ST14: variants seen among roughly 807,000 people sequenced by gnomAD.
ST14 encodes suppressor of tumorigenicity 14 protein.
Under a neutral mutation model 96.5 loss-of-function variants are expected in ST14, and 40 were observed. That is an observed-to-expected ratio of 0.41 (90% confidence interval 0.32 to 0.54). The LOEUF (loss-of-function observed/expected upper bound fraction) is 0.54. ST14 is among the 20% of genes least tolerant of loss of function. The probability of loss-of-function intolerance (pLI) is 0.17; values close to 1 mark genes in which losing one functional copy is unlikely to be tolerated. For missense variants in ST14, 1,066 were observed against 1,188.9 expected, an observed-to-expected ratio of 0.90 and a Z score of 1.52; for synonymous variants, 506 against 492.1, an observed-to-expected ratio of 1.03 and a Z score of -0.37.
At chr11:130,189,004 A>T in intron 4 of ST14, 65 bp downstream of exon 4, 8 of 1,524,818 alleles carry the variant, frequency 5.2e-6, no homozygotes, top group Non-Finnish European at 7.2e-6. Flanking sequence ...ATCGGGGTAC[A>T]GTGTGTGGGG....
Position 130,200,147 on chromosome 11 carries a change from T to A in ST14, c.1994+10T>A, listed in dbSNP as rs572048817. 6.2e-7 allele frequency: 1 copy of A among 1,613,866 alleles called. No homozygotes were observed. The highest frequency in any genetic ancestry group is 1.7e-5 in the Admixed American group (1 of 59,966). On this transcript the variant is annotated intron_variant, in intron 16 of 18. Transcript: ENST00000278742. The stretch of plus-strand genomic sequence containing the variant: ...ATGACAGAGGATTCAGGTGGGTCTC[T>A]GGGTGGGCAGCAGGGAGCCTCCTTG...
chr11:130,175,235 G>A (rs142651001), intron 1 of ST14, among the ~76,000 whole-genome samples: 1 of 152,226 alleles, frequency 6.6e-6, no homozygotes, highest in Non-Finnish European at 1.5e-5. Context: ...CTGAATATGG[G>A]TGGACAGATC....
chr11:130,194,239 G>T lies in ST14; in HGVS notation c.966G>T (p.Arg322=). Residue 322 remains arginine (R), a synonymous_variant, in exon 8 of 19, where the codon CGG becomes CGT. Coordinates refer to ENST00000278742, the MANE Select transcript of ST14 (RefSeq NM_021978.4). ...TCACACTGATAACCAACACTGAGCG[G>T]CGGCATCCCGGCTTTGAGGCCACCT... The part of the protein sequence containing the change: ...LLITLITNTE[R]RHPGFEATFF... 6.2e-7 allele frequency: 1 copy of T among 1,614,242 alleles called. No individual in the cohort carries two copies. The highest frequency in any genetic ancestry group is 1.1e-5 in the South Asian group (1 of 91,088).
chr11:130,169,493 G>A (rs1351009569), intron 1 of ST14, among the ~76,000 whole-genome samples: 2 of 152,168 alleles, frequency 1.3e-5, no homozygotes, highest in African/African-American at 4.8e-5. Flanking sequence ...AGGTGGCTGT[G>A]GTTACAGAAG....
chr11:130,209,640 G>C, intron 18 of ST14, 22 bp from the exon 19 acceptor site: 1 of 1,589,184 alleles, frequency 6.3e-7, no homozygotes, highest in Non-Finnish European at 8.6e-7. Context: ...GGGGACTCAC[G>C]GCAGGGCTTG....
At position 130,194,648 on chromosome 11, in the gene ST14, G is replaced by T. The variant is rs554969342; in HGVS notation, c.1024G>T (p.Gly342Cys). The T allele has an allele frequency of 1.2e-6, 2 of 1,614,164 alleles. No homozygotes were observed. The highest frequency in any genetic ancestry group is 2.2e-5 in the South Asian group (2 of 91,080). The change falls in exon 9 of 19, where the codon GGC becomes TGC. Residue 342 changes from glycine to cysteine, a missense_variant. Transcript: ENST00000278742. ...CCCACCTTCCCTCTCAGGCTGTGGA[G>T]GCCGCTTACGTAAAGCCCAGGGGAC... Reference protein sequence around the residue: ...FQLPRMSSCGGRLRKAQGTFN... With the variant: ...FQLPRMSSCGCRLRKAQGTFN...
chr11:130,208,629 C>T lies in ST14; in HGVS notation c.2214C>T (p.Val738=), dbSNP rs764559528. ...TCTGCCTGCCGGACGCCTCCCATGT[C>T]TTCCCTGCCGGCAAGGCCATCTGGG... The part of the protein sequence containing the change: ...RPICLPDASH[V]FPAGKAIWVT... Residue 738 remains valine, a synonymous_variant, in exon 17 of 19, where the codon GTC becomes GTT. Transcript: ENST00000278742. 2 of 1,614,020 alleles carry T rather than the reference C, an allele frequency of 1.2e-6. No individual in the cohort carries two copies. The highest frequency in any genetic ancestry group is 2.2e-5 in the South Asian group (2 of 91,068).
chr11:130,166,946 C>G (rs1327367526), intron 1 of ST14, among the ~76,000 whole-genome samples: 1 of 152,214 alleles, frequency 6.6e-6, no homozygotes, highest in African/African-American at 2.4e-5. Context: ...TGCGGTGGTT[C>G]ATGCCTGTAA....
rs1387785896 is a variant in ST14, at chr11:130,196,421, A to G, written c.1196A>G (p.Lys399Arg). 1.9e-6 allele frequency: 3 copies of G among 1,610,538 alleles called. No individual in the cohort carries two copies. The highest frequency in any genetic ancestry group is 2.5e-6 in the Non-Finnish European group (3 of 1,178,644). The change falls in exon 10 of 19, where the codon AAG (lysine) becomes AGG (arginine). Residue 399 changes from lysine (K) to arginine (R), a missense_variant. Transcript: ENST00000278742. ...GGCGTGCCTGCGGGCACCTGCCCCA[A>G]GGACTACGTGGAGATCAACGGGGAG... ...EPGVPAGTCPKDYVEINGEKY... is the reference protein window; with the variant it reads ...EPGVPAGTCPRDYVEINGEKY...
At chr11:130,201,735 A>G (rs537024906) in intron 16 of ST14, among the ~76,000 whole-genome samples, 6 of 152,334 alleles carry the variant, frequency 3.9e-5, no homozygotes, top group Non-Finnish European at 7.4e-5. Flanking sequence ...ACATGCCACC[A>G]TGCCCAGCTA....
At chr11:130,196,043 C>G (rs1273418023) in intron 9 of ST14, among the ~76,000 whole-genome samples, 1 of 151,788 alleles carries the variant, frequency 6.6e-6, no homozygotes, top group Non-Finnish European at 1.5e-5. Flanking sequence ...GACTGTAATC[C>G]CAGCTGCTCA....
chr11:130,194,716 T>A lies in ST14; in HGVS notation c.1092T>A (p.Ile364=). The change falls in exon 9 of 19, where the codon ATT becomes ATA. Residue 364 remains isoleucine (I), a synonymous_variant. Transcript: ENST00000278742. ...PYYPGHYPPN[I]DCTWNIEVPN... ...ACCCAGGCCACTACCCACCCAACATTGACTGCACATGGAACATTGAGGTAG... is the reference window on the plus strand; with the variant it reads ...ACCCAGGCCACTACCCACCCAACATAGACTGCACATGGAACATTGAGGTAG... 6.2e-6 allele frequency: 10 copies of A among 1,614,052 alleles called. No individual in the cohort carries two copies. In the East Asian group the frequency reaches 2.2e-4, roughly 36 times the overall value.
At chr11:130,201,043 G>A (rs944763542) in intron 16 of ST14, among the ~76,000 whole-genome samples, 3 of 152,228 alleles carry the variant, frequency 2.0e-5, no homozygotes, top group African/African-American at 7.2e-5. Flanking sequence ...TTAGAGTTGT[G>A]AGAATTAAAT....
At chr11:130,173,763 G>C (rs931186887) in intron 1 of ST14, among the ~76,000 whole-genome samples, 2 of 151,990 alleles carry the variant, frequency 1.3e-5, no homozygotes, top group Non-Finnish European at 2.9e-5. Context: ...ACTCTGTCCC[G>C]ACCCATGGCT....
chr11:130,202,843 T>C (rs1953444278), intron 16 of ST14, among the ~76,000 whole-genome samples: 1 of 152,224 alleles, frequency 6.6e-6, no homozygotes, highest in African/African-American at 2.4e-5. Context: ...CTCACAGGAC[T>C]GTTTCAGGGA....
chr11:130,206,273 G>A (rs1953486779), intron 16 of ST14, among the ~76,000 whole-genome samples: 1 of 152,180 alleles, frequency 6.6e-6, no homozygotes, highest in African/African-American at 2.4e-5. Context: ...AGGATCCCCC[G>A]TGAAGGGGGC....
Position 130,190,005 on chromosome 11 carries a change from G to A in ST14, c.599-108G>A. 7.5e-6 allele frequency: 12 copies of A among 1,610,634 alleles called. No homozygotes were observed. In the South Asian group the frequency reaches 1.1e-4, roughly 15 times the overall value. ...GGCACTCCCAGGGCCCAGTGCCCCA[G>A]AGAGAAGACTACGTGCTGGCCGGGC... On this transcript the variant is annotated intron_variant, in intron 5 of 18. Transcript: ENST00000278742.
At chr11:130,208,816 C>G in intron 17 of ST14, 132 bp downstream of exon 17, 1 of 1,219,770 alleles carries the variant, frequency 8.2e-7, no homozygotes, top group South Asian at 1.6e-5. Context: ...ATGAGGCTGT[C>G]CAGGGCGGAA....
intron 11 of ST14, among the ~76,000 whole-genome samples, chr11:130,197,091 G>GC (rs1334270160): frequency 6.6e-6 from 1 of 152,208 alleles, no homozygotes; most frequent in Non-Finnish European, 1.5e-5. Context: ...ATGAGGAAGT[G>GC]CCATTGGCTG....
Sources: allele counts gnomAD v4.1 joint callset (sites outside exome capture counted in the v4.1 genomes callset), GRCh38; gene constraint gnomAD v4.1.1; transcripts MANE v1.5; gene names NCBI Gene and HGNC (gene_info 2026-07-23, HGNC 2026-07-21).